C12orf71: variants seen among roughly 807,000 people sequenced by gnomAD.
The protein encoded by C12orf71 is chromosome 12 open reading frame 71, also known as uncharacterized protein C12orf71.
Under a neutral mutation model 11.7 loss-of-function variants are expected in C12orf71, and 10 were observed. The ratio of observed to expected loss-of-function variants is 0.86; its 90% CI spans 0.53 to 1.45. The LOEUF (loss-of-function observed/expected upper bound fraction) is 1.45, where lower values mean the gene tolerates loss of function less well. Among genes scored for constraint, C12orf71 ranks in the 40% most tolerant of loss-of-function variants. The probability of loss-of-function intolerance (pLI) is 0.00; values close to 1 mark genes in which losing one functional copy is unlikely to be tolerated. For synonymous variants in C12orf71, 110 were observed against 123.4 expected (o/e 0.89, Z 0.72); for missense variants, 293 against 325.8 (o/e 0.90, Z 0.78).
chr12:27,083,749 CTCTT>C (rs1565490795), upstream of C12orf71, among the ~76,000 whole-genome samples: 1 of 152,102 alleles, frequency 6.6e-6, no homozygotes, highest in African/African-American at 2.4e-5. Flanking sequence ...TTGACTATGT[CTCTT>C]ATTTTTCTAT....
At chr12:27,081,828 T>A (rs1279268747) in intron 1 of C12orf71, 140 bp downstream of exon 1, 1 of 912,840 alleles carries the variant, frequency 1.1e-6, no homozygotes, top group East Asian at 2.6e-5. Flanking sequence ...CTTCCTGTCC[T>A]GTGAGGCATC....
chr12:27,082,947 G>GTT (rs111300701), upstream of C12orf71, among the ~76,000 whole-genome samples: 6 of 141,112 alleles, frequency 4.3e-5, no homozygotes, highest in African/African-American at 1.1e-4. Context: ...GTTTGTTTTT[G>GTT]TTTTTTTTTT....
At position 27,082,188 on chromosome 12, in the gene C12orf71, T is replaced by A; in HGVS notation, c.296A>T (p.Asp99Val). The A allele has an allele frequency of 6.2e-7, 1 of 1,614,038 alleles. No homozygotes were observed. Among genetic ancestry groups the A allele is most frequent in the Admixed American group, 1.7e-5 (1 of 60,016 alleles). ...CCTATTAGCTCTTGAGTCTGTGTTA[T>A]CGGAGCCAATGTCCACGTCCCAGGC... ...FLAWDVDIGS[D>V]NTDSRANRLL... Residue 99 changes from aspartate (D) to valine (V), a missense_variant, in exon 1 of 2, where the codon GAT becomes GTT. Asp to Val is a radical substitution (Grantham distance 152). Coordinates refer to ENST00000429849, the MANE Select transcript of C12orf71 (RefSeq NM_001080406.2).
At position 27,082,210 on chromosome 12, in the gene C12orf71, A is replaced by G. The variant is rs1264862994; in HGVS notation, c.274T>C (p.Trp92Arg). The G allele has an allele frequency of 1.2e-6, 2 of 1,613,720 alleles. No individual in the cohort carries two copies. Among genetic ancestry groups the G allele is most frequent in the African/African-American group, 2.7e-5 (2 of 74,914 alleles). Residue 92 changes from tryptophan to arginine, a missense_variant, in exon 1 of 2, where the codon TGG (tryptophan) becomes CGG (arginine). Coordinates refer to ENST00000429849, the MANE Select transcript of C12orf71 (RefSeq NM_001080406.2). The part of the protein sequence containing the change: ...QFCKLSIFLA[W>R]DVDIGSDNTD... ...TTATCGGAGCCAATGTCCACGTCCCAGGCCAGGAAGATGCTTAGTTTGCAA... is the reference window on the plus strand; with the variant it reads ...TTATCGGAGCCAATGTCCACGTCCCGGGCCAGGAAGATGCTTAGTTTGCAA...
upstream of C12orf71, among the ~76,000 whole-genome samples, chr12:27,083,942 G>C (rs1205850799): frequency 2.6e-5 from 4 of 152,166 alleles, no homozygotes; most frequent in Non-Finnish European, 5.9e-5. Context: ...GAATGTGCAC[G>C]TGCATGCACG....
chr12:27,083,660 A>G (rs7294567), upstream of C12orf71, among the ~76,000 whole-genome samples: 13,901 of 152,286 alleles, frequency 0.091, 803 homozygotes, highest in Non-Finnish European at 0.13. Flanking sequence ...ACAAACATAT[A>G]TATGGTTACT....
chr12:27,082,606 T>G, upstream of C12orf71: 2 of 626,160 alleles, frequency 3.2e-6, no homozygotes, highest in Non-Finnish European at 4.9e-6. Flanking sequence ...CATTCCCTTC[T>G]CTTTTTTCTT....
Position 27,081,985 on chromosome 12 carries a change from G to A in C12orf71, c.499C>T (p.Pro167Ser), listed in dbSNP as rs1363513741. The A allele has an allele frequency of 1.3e-6, 2 of 1,582,752 alleles. No homozygotes were observed. The highest frequency in any genetic ancestry group is 2.7e-5 in the African/African-American group (2 of 74,380). ...TGACTGACCTGAACCATTTCCGGAG[G>A]GGAGCCGCTGGATAGCTGGAAATCT... ...QQDFQLSSGS[P>S]PEMVQMISQA... Residue 167 changes from proline (P) to serine (S), a missense_variant, in exon 1 of 2, where the codon CCT becomes TCT. Pro to Ser is a moderately conservative substitution (Grantham distance 74, BLOSUM62 -1). Coordinates refer to ENST00000429849, the MANE Select transcript of C12orf71 (RefSeq NM_001080406.2).
At chr12:27,081,939 T>C in intron 1 of C12orf71, 29 bp downstream of exon 1, 2 of 1,562,904 alleles carry the variant, frequency 1.3e-6, no homozygotes, top group East Asian at 2.4e-5. Context: ...GGGCAGGTCT[T>C]GACAAGCATC....
chr12:27,081,750 G>A (rs1319109809), intron 1 of C12orf71: 14 of 717,332 alleles, frequency 2.0e-5, no homozygotes, highest in Non-Finnish European at 3.0e-5. Context: ...CTGGTATCAC[G>A]TCAGTCCCCC....
Position 27,081,317 on chromosome 12 carries a change from G to A in C12orf71, c.667C>T (p.Arg223Cys). The A allele has an allele frequency of 3.1e-6, 5 of 1,613,954 alleles. No individual in the cohort carries two copies. The highest frequency in any genetic ancestry group is 3.4e-6 in the Non-Finnish European group (4 of 1,179,896). ...FGWAFSWLRQ[R>C]ILPSLLRRDH... The stretch of plus-strand genomic sequence containing the variant: ...CTCCTCAGCAGAGAGGGGAGGATAC[G>A]CTGCCTCAGCCAGCTGAAGGCCCAC... Residue 223 changes from arginine (R) to cysteine (C), a missense_variant, in exon 2 of 2, where the codon CGT becomes TGT. Coordinates refer to ENST00000429849, the MANE Select transcript of C12orf71 (RefSeq NM_001080406.2).
In C12orf71 at chr12:27,081,175, T is replaced by G; in HGVS notation, c.809A>C (p.Ter270SerextTer4). Residue 270 changes from the stop codon to serine, a stop_lost, in exon 2 of 2, where the codon TAG becomes TCG. Transcript: ENST00000429849. ...TTTCCAAAAAGTTTAAAAATCTGTC[T>G]ATATGGGATGTCCTAATTCAAGGGT... ...QETLELGHPI[*>S] 6.2e-7 allele frequency: 1 copy of G among 1,603,586 alleles called. No individual in the cohort carries two copies. The highest frequency in any genetic ancestry group is 1.1e-5 in the South Asian group (1 of 90,254).
chr12:27,081,709 T>A (rs1941934196), intron 1 of C12orf71: 7 of 686,416 alleles, frequency 1.0e-5, no homozygotes, highest in Non-Finnish European at 1.8e-5. Flanking sequence ...CCCTACAGCT[T>A]CACCCTGACT....
At chr12:27,082,692 C>T (rs545131926), upstream of C12orf71, among the ~76,000 whole-genome samples, 3 of 152,098 alleles carry the variant, frequency 2.0e-5, no homozygotes, top group Admixed American at 6.5e-5. Context: ...TCACTGCAAC[C>T]TCAGCCTCCC....
In C12orf71 at chr12:27,082,202, C is replaced by G; in HGVS notation, c.282G>C (p.Val94=). ...AGTCTGTGTTATCGGAGCCAATGTC[C>G]ACGTCCCAGGCCAGGAAGATGCTTA... is the stretch of plus-strand genomic sequence containing the variant. ...CKLSIFLAWD[V]DIGSDNTDSR... The change falls in exon 1 of 2, where the codon GTG becomes GTC. Residue 94 remains valine, a synonymous_variant. Transcript: ENST00000429849. The G allele has an allele frequency of 6.2e-7, 1 of 1,613,946 alleles. No homozygotes were observed. Among genetic ancestry groups the G allele is most frequent in the African/African-American group, 1.3e-5 (1 of 75,018 alleles).
rs199571805 is a variant in C12orf71 at position 27,082,191 on chromosome 12, G to A, written c.293C>T (p.Ser98Phe). 8.3e-5 allele frequency: 134 copies of A among 1,613,944 alleles called. 1 individual carries two copies. The African/African-American group carries it at 1.7e-3, about 21-fold the overall frequency. ...IFLAWDVDIG[S>F]DNTDSRANRL... Reference sequence around the variant, plus strand: ...ATTAGCTCTTGAGTCTGTGTTATCGGAGCCAATGTCCACGTCCCAGGCCAG... The same window carrying A: ...ATTAGCTCTTGAGTCTGTGTTATCGAAGCCAATGTCCACGTCCCAGGCCAG... The change falls in exon 1 of 2, where the codon TCC becomes TTC. Residue 98 changes from serine (S) to phenylalanine (F), a missense_variant. Coordinates refer to ENST00000429849, the MANE Select transcript of C12orf71 (RefSeq NM_001080406.2).
At chr12:27,082,855 G>C (rs1200911075), upstream of C12orf71, among the ~76,000 whole-genome samples, 1 of 151,958 alleles carries the variant, frequency 6.6e-6, no homozygotes, top group African/African-American at 2.4e-5. Flanking sequence ...GGGATTATAG[G>C]TGTGAGCCAC....
Position 27,082,081 on chromosome 12 carries a change from C to T in C12orf71, c.403G>A (p.Val135Met). ...KLSVGKLNNL[V>M]QEFQIFLENL... is the part of the protein sequence containing the mutation. ...TCTAGAAATATCTGAAACTCTTGCA[C>T]AAGATTATTCAGTTTGCCAACAGAC... Residue 135 changes from valine to methionine, a missense_variant, in exon 1 of 2, where the codon GTG becomes ATG. Coordinates refer to ENST00000429849, the MANE Select transcript of C12orf71 (RefSeq NM_001080406.2). The T allele has an allele frequency of 6.2e-7, 1 of 1,609,982 alleles. No homozygotes were observed. Among genetic ancestry groups the T allele is most frequent in the African/African-American group, 1.3e-5 (1 of 75,014 alleles).
chr12:27,081,951 T>C lies in C12orf71; in HGVS notation c.516+17A>G, dbSNP rs762189922. The C allele has an allele frequency of 7.6e-6, 12 of 1,569,528 alleles. No homozygotes were observed. The highest frequency in any genetic ancestry group is 9.5e-6 in the Non-Finnish European group (11 of 1,155,436). On this transcript the variant is annotated intron_variant, in intron 1 of 1. Transcript: ENST00000429849. Reference sequence around the variant, plus strand: ...CTTGGGCAGGTCTTGACAAGCATCATATTCCTGATGACTGACCTGAACCAT... The same window carrying C: ...CTTGGGCAGGTCTTGACAAGCATCACATTCCTGATGACTGACCTGAACCAT...
Sources: gnomAD v4.1 joint callset for allele counts (sites outside exome capture counted in the v4.1 genomes callset) on GRCh38, gnomAD v4.1.1 for gene constraint, MANE v1.5 for transcripts, NCBI Gene and HGNC (gene_info 2026-07-23, HGNC 2026-07-21) for gene names.